The following CAMTA1 variants were observed in gnomAD, a reference collection of about 807,000 sequenced individuals.
CAMTA1 encodes the protein calmodulin-binding transcription activator 1.
A neutral mutation model predicts 170.9 loss-of-function variants in CAMTA1; 27 were observed. That is an observed-to-expected ratio of 0.16 (90% CI 0.12 to 0.22). CAMTA1 has a LOEUF of 0.22. Ranked by LOEUF, CAMTA1 falls within the 10% of genes least tolerant of loss-of-function variation. The probability of loss-of-function intolerance (pLI) is 1.00; values close to 1 mark genes in which losing one functional copy is unlikely to be tolerated. For missense variants in CAMTA1, 1,619 were observed against 2,217.2 expected (o/e 0.73, Z 5.42); for synonymous variants, 833 against 891.5 (o/e 0.93, Z 1.17).
Position 7,534,313 on chromosome 1 carries a change from G to T in CAMTA1, c.510+66412G>T, listed in dbSNP as rs115688358. 6.6e-6 allele frequency among the ~76,000 whole-genome samples: 1 copy of T among 152,164 alleles called. No individual in the cohort carries two copies. Among genetic ancestry groups the T allele is most frequent in the African/African-American group, 2.4e-5 (1 of 41,438 alleles). On this transcript the variant is annotated intron_variant, in intron 6 of 22. Coordinates refer to ENST00000303635, the MANE Select transcript of CAMTA1 (RefSeq NM_015215.4). The surrounding 1 kb of genome is among the most constrained non-coding windows in gnomAD (Gnocchi z 5.6). ...GGCCGCGGGGCTATTTTTAGTTTGC[G>T]TCAACATCCCCCTCCAAGCATCCAT...
At position 7,293,521 on chromosome 1, in the gene CAMTA1, TTTG is replaced by T. The variant is rs1224307511; in HGVS notation, c.438+43898_438+43900del. Among the ~76,000 whole-genome samples the T allele has an allele frequency of 6.6e-6, 1 of 152,176 alleles. No individual in the cohort carries two copies. The highest frequency in any genetic ancestry group is 1.5e-5 in the Non-Finnish European group (1 of 68,036). On this transcript the variant is annotated intron_variant, in intron 5 of 22. Coordinates refer to ENST00000303635, the MANE Select transcript of CAMTA1 (RefSeq NM_015215.4). The surrounding 1 kb of genome is among the most constrained non-coding windows in gnomAD (Gnocchi z 4.1). ...TGATCCATGTGCATGTGTTCCCGGTTTTGTTTGTCATTTGCTTTCTTGCCATCC... is the reference window on the plus strand; with the variant it reads ...TGATCCATGTGCATGTGTTCCCGGTTTTTGTCATTTGCTTTCTTGCCATCC...
chr1:7,586,559 A>C (rs982668841), intron 6 of CAMTA1, among the ~76,000 whole-genome samples: 56 of 152,200 alleles, frequency 3.7e-4, no homozygotes, highest in South Asian at 1.9e-3. Flanking sequence ...CCTAACTGGC[A>C]CCACCCCGTC....
intron 1 of CAMTA1, among the ~76,000 whole-genome samples, chr1:6,786,084 G>T (rs1247546937): frequency 6.6e-6 from 1 of 151,812 alleles, no homozygotes; most frequent in South Asian, 2.1e-4. Flanking sequence ...GCCCTCGCCG[G>T]CCCCCTGCTC....
In CAMTA1 at chr1:7,220,209, G is replaced by A. The variant is rs375835801; in HGVS notation, c.303-29282G>A. 1.6e-4 allele frequency among the ~76,000 whole-genome samples: 24 copies of A among 152,264 alleles called. No individual in the cohort carries two copies. In the South Asian group the frequency reaches 3.3e-3, roughly 21 times the overall value. ...GCGCCACGCCTGACTCATTGCAGGG[G>A]GTCAAGAATGTTTGTGAGATGAATA... On this transcript the variant is annotated intron_variant, in intron 4 of 22. Coordinates refer to ENST00000303635, the MANE Select transcript of CAMTA1 (RefSeq NM_015215.4).
At chr1:7,350,307 A>C (rs1403219225) in intron 5 of CAMTA1, among the ~76,000 whole-genome samples, 2 of 152,074 alleles carry the variant, frequency 1.3e-5, no homozygotes, top group Non-Finnish European at 1.5e-5. Context: ...AGCCACAGAG[A>C]GATGTTGTTT....
chr1:7,500,308 G>A (rs1277053606), intron 6 of CAMTA1, among the ~76,000 whole-genome samples: 2 of 144,224 alleles, frequency 1.4e-5, no homozygotes, highest in Non-Finnish European at 3.0e-5. Flanking sequence ...GTGTGCATGT[G>A]TGTCCGTGAG....
At chr1:7,124,699 G>A (rs1487107947) in intron 4 of CAMTA1, among the ~76,000 whole-genome samples, 1 of 152,202 alleles carries the variant, frequency 6.6e-6, no homozygotes, top group Non-Finnish European at 1.5e-5. Context: ...TAGGGTCATG[G>A]GTCTCGTTCT....
At chr1:7,137,041 A>C (rs934469821) in intron 4 of CAMTA1, among the ~76,000 whole-genome samples, 1 of 152,158 alleles carries the variant, frequency 6.6e-6, no homozygotes, top group Non-Finnish European at 1.5e-5. Flanking sequence ...AAGCGTCTGA[A>C]CAAGCTGTTG....
intron 6 of CAMTA1, among the ~76,000 whole-genome samples, chr1:7,494,207 T>C (rs2093789095): frequency 6.6e-6 from 1 of 151,550 alleles, no homozygotes; most frequent in Admixed American, 6.6e-5. Context: ...GGGAAAAATC[T>C]GCTTGCTATT....
rs74055117 is a variant in CAMTA1 at position 7,537,277 on chromosome 1, G to A, written c.510+69376G>A. On this transcript the variant is annotated intron_variant, in intron 6 of 22. Transcript: ENST00000303635. ...CCTTTCCTGTGATCCTTTGCCCGTC[G>A]GCAGCCAGTCCAAGCAAACACAGCC... 1.6e-4 allele frequency among the ~76,000 whole-genome samples: 25 copies of A among 152,268 alleles called. No homozygotes were observed. In the East Asian group the frequency reaches 2.5e-3, roughly 15 times the overall value.
intron 3 of CAMTA1, among the ~76,000 whole-genome samples, chr1:6,931,981 G>T (rs535751818): frequency 6.6e-6 from 1 of 152,160 alleles, no homozygotes; most frequent in African/African-American, 2.4e-5. Context: ...GTGCCTCCTT[G>T]TGTGACCTCA....
chr1:7,399,157 A>C (rs2089683780), intron 5 of CAMTA1, among the ~76,000 whole-genome samples: 1 of 152,154 alleles, frequency 6.6e-6, no homozygotes, highest in Admixed American at 6.5e-5. Flanking sequence ...CCTTCATGAA[A>C]GGTTTGGTTC....
At chr1:7,055,208 A>G (rs1464433918) in intron 3 of CAMTA1, among the ~76,000 whole-genome samples, 1 of 152,220 alleles carries the variant, frequency 6.6e-6, no homozygotes, top group African/African-American at 2.4e-5. Context: ...TCAGATAGTA[A>G]TAGCACCTAG....
intron 4 of CAMTA1, among the ~76,000 whole-genome samples, chr1:7,174,618 C>T (rs748906718): frequency 4.6e-5 from 7 of 152,150 alleles, no homozygotes; most frequent in Non-Finnish European, 8.8e-5. Context: ...TCTGAGGGGG[C>T]GCCACGAGAG....
intron 6 of CAMTA1, among the ~76,000 whole-genome samples, chr1:7,503,943 G>A (rs1236781014): frequency 1.3e-5 from 2 of 152,220 alleles, no homozygotes; most frequent in Non-Finnish European, 2.9e-5. Context: ...AGGAAGGGCT[G>A]GGGGAGGGGA....
chr1:6,888,179 C>G, intron 3 of CAMTA1: 1 of 986,232 alleles, frequency 1.0e-6, no homozygotes, highest in Non-Finnish European at 1.2e-6. Flanking sequence ...AGTGCAGAGT[C>G]TAAATAAACG....
In CAMTA1 at chr1:6,934,467, G is replaced by C. The variant is rs1684960916; in HGVS notation, c.234+109257G>C. On this transcript the variant is annotated intron_variant, in intron 3 of 22. Coordinates refer to ENST00000303635, the MANE Select transcript of CAMTA1 (RefSeq NM_015215.4). The surrounding 1 kb of genome is among the most constrained non-coding windows in gnomAD (Gnocchi z 4.5). ...TGGGTGCCCTGGGAGGATGGGTAAGGGCAGGTGTGGGAGGAATTTCCTTTC... is the reference window on the plus strand; with the variant it reads ...TGGGTGCCCTGGGAGGATGGGTAAGCGCAGGTGTGGGAGGAATTTCCTTTC... Among the ~76,000 whole-genome samples the C allele has an allele frequency of 6.6e-6, 1 of 152,180 alleles. No homozygotes were observed. Among genetic ancestry groups the C allele is most frequent in the Non-Finnish European group, 1.5e-5 (1 of 68,034 alleles).
rs981111778 is a variant in CAMTA1, at chr1:7,561,247, T to C, written c.511-79153T>C. 6.6e-6 allele frequency among the ~76,000 whole-genome samples: 1 copy of C among 151,658 alleles called. No homozygotes were observed. Among genetic ancestry groups the C allele is most frequent in the African/African-American group, 2.4e-5 (1 of 41,308 alleles). Reference sequence around the variant, plus strand: ...GTTCAGCAGGAGCACCTGGATCTGATATTGATCATCCCAGCCCCTCTACCA... The same window carrying C: ...GTTCAGCAGGAGCACCTGGATCTGACATTGATCATCCCAGCCCCTCTACCA... On this transcript the variant is annotated intron_variant, in intron 6 of 22. Transcript: ENST00000303635. The surrounding 1 kb of genome is among the most constrained non-coding windows in gnomAD (Gnocchi z 5.3).
intron 5 of CAMTA1, among the ~76,000 whole-genome samples, chr1:7,400,001 AG>A (rs1208184812): frequency 6.6e-6 from 1 of 152,238 alleles, no homozygotes; most frequent in African/African-American, 2.4e-5. Flanking sequence ...TCATGGATCT[AG>A]ATGTCCATAT....
Sources: gnomAD v4.1 joint callset for allele counts (sites outside exome capture counted in the v4.1 genomes callset) on GRCh38, gnomAD v4.1.1 for gene constraint, Gnocchi (gnomAD v3.1) non-coding constraint, MANE v1.5 for transcripts, NCBI Gene and HGNC (gene_info 2026-07-23, HGNC 2026-07-21) for gene names.